The following SPOCK1 variants were observed in gnomAD, a reference collection of about 807,000 sequenced individuals.
SPOCK1 encodes the protein SPARC (osteonectin), cwcv and kazal like domains proteoglycan 1.
In SPOCK1, 23 loss-of-function variants were observed where a neutral mutation model predicts 55.3. That is an observed-to-expected ratio of 0.42 (90% CI 0.30 to 0.59). The LOEUF (loss-of-function observed/expected upper bound fraction) is 0.59, where lower values mean the gene tolerates loss of function less well. Among genes scored for constraint, SPOCK1 ranks in the 20% least tolerant of loss-of-function variants. SPOCK1 has a pLI of 0.22. For synonymous variants in SPOCK1, 226 were observed against 221.0 expected (o/e 1.02, Z -0.20); for missense variants, 499 against 552.5 (o/e 0.90, Z 0.97).
chr5:136,985,322 A>G, intron 8 of SPOCK1, 120 bp from the exon 9 acceptor site: 1 of 980,134 alleles, frequency 1.0e-6, no homozygotes, highest in Non-Finnish European at 1.6e-6. Context: ...ATTGTTCCAT[A>G]TGCTGTTACT....
chr5:137,079,738 G>A (rs886614657), intron 5 of SPOCK1, among the ~76,000 whole-genome samples: 4 of 151,968 alleles, frequency 2.6e-5, no homozygotes, highest in African/African-American at 4.8e-5. Flanking sequence ...CCCCGTCCCT[G>A]CTTCACTCTG....
intron 2 of SPOCK1, among the ~76,000 whole-genome samples, chr5:137,324,849 C>G (rs1333688559): frequency 6.6e-6 from 1 of 151,198 alleles, no homozygotes; most frequent in East Asian, 1.9e-4. Flanking sequence ...AATCTGAACA[C>G]AACCCATTTT....
At chr5:137,190,336 C>G (rs1755155954) in intron 3 of SPOCK1, among the ~76,000 whole-genome samples, 1 of 152,046 alleles carries the variant, frequency 6.6e-6, no homozygotes, top group South Asian at 2.1e-4. Flanking sequence ...CCACAGCCAC[C>G]CCAACATTTA....
At chr5:137,216,822 G>C (rs1755725325) in intron 3 of SPOCK1, among the ~76,000 whole-genome samples, 1 of 152,224 alleles carries the variant, frequency 6.6e-6, no homozygotes, top group Non-Finnish European at 1.5e-5. Context: ...TCGGGGGTGT[G>C]TTGTGAAACC....
intron 4 of SPOCK1, among the ~76,000 whole-genome samples, chr5:137,116,074 GCGAGCC>G (rs1182321193): frequency 6.6e-6 from 1 of 152,102 alleles, no homozygotes; most frequent in East Asian, 1.9e-4. Context: ...TCATTGGCCA[GCGAGCC>G]CTAAATCCAC....
At chr5:137,272,315 G>A (rs761006031) in intron 2 of SPOCK1, among the ~76,000 whole-genome samples, 12 of 152,144 alleles carry the variant, frequency 7.9e-5, no homozygotes, top group Non-Finnish European at 1.3e-4. Context: ...AAATGTCCCC[G>A]AAATGATAAT....
intron 3 of SPOCK1, among the ~76,000 whole-genome samples, chr5:137,156,461 T>A (rs567324001): frequency 6.6e-6 from 1 of 152,258 alleles, no homozygotes; most frequent in South Asian, 2.1e-4. Flanking sequence ...GGGAAATTAA[T>A]AGGAGAATAG....
chr5:137,095,210 A>G (rs1289560426), intron 5 of SPOCK1, among the ~76,000 whole-genome samples: 1 of 152,338 alleles, frequency 6.6e-6, no homozygotes, highest in East Asian at 1.9e-4. Context: ...AAATATAATA[A>G]TAATTTGTAA....
intron 4 of SPOCK1, among the ~76,000 whole-genome samples, chr5:137,135,311 T>C (rs1184063600): frequency 6.6e-6 from 1 of 152,122 alleles, no homozygotes; most frequent in Non-Finnish European, 1.5e-5. Flanking sequence ...CTCCACCCTC[T>C]GCCCCACGAT....
intron 6 of SPOCK1, among the ~76,000 whole-genome samples, chr5:137,006,529 A>AT (rs758386257): frequency 7.0e-4 from 106 of 152,142 alleles, no homozygotes; most frequent in Non-Finnish European, 1.4e-3. Flanking sequence ...AATGCTTGTG[A>AT]TTTTTGCACA....
chr5:137,204,056 C>G (rs953627460), intron 3 of SPOCK1, among the ~76,000 whole-genome samples: 1 of 152,182 alleles, frequency 6.6e-6, no homozygotes, highest in African/African-American at 2.4e-5. Flanking sequence ...GTCCTGTACT[C>G]TGCATTTGCT....
At chr5:137,023,113 CT>C (rs1484266602) in intron 6 of SPOCK1, among the ~76,000 whole-genome samples, 21 of 152,242 alleles carry the variant, frequency 1.4e-4, no homozygotes, top group African/African-American at 4.3e-4. Context: ...CCTGGGACAA[CT>C]TGTATGCTTT....
intron 2 of SPOCK1, among the ~76,000 whole-genome samples, chr5:137,429,720 T>C (rs1752704881): frequency 6.6e-6 from 1 of 152,214 alleles, no homozygotes; most frequent in Non-Finnish European, 1.5e-5. Context: ...TAATCCACAG[T>C]TCAATCCTTA....
intron 2 of SPOCK1, among the ~76,000 whole-genome samples, chr5:137,268,135 G>A (rs77312516): frequency 0.033 from 5,046 of 152,250 alleles, 102 homozygotes; most frequent in Admixed American, 0.041. Flanking sequence ...GATCTCCTGT[G>A]AATTTTATCA....
intron 2 of SPOCK1, among the ~76,000 whole-genome samples, chr5:137,422,874 T>A (rs958568165): frequency 5.9e-5 from 9 of 152,170 alleles, no homozygotes; most frequent in African/African-American, 2.2e-4. Flanking sequence ...ATTTTCAGAG[T>A]TTCCAGTTTT....
intron 5 of SPOCK1, among the ~76,000 whole-genome samples, chr5:137,100,766 G>T (rs181161428): frequency 6.6e-6 from 1 of 152,100 alleles, no homozygotes; most frequent in African/African-American, 2.4e-5. Context: ...CACCTTCCTG[G>T]ACAGAATCTA....
intron 2 of SPOCK1, among the ~76,000 whole-genome samples, chr5:137,350,471 G>C (rs1371682466): frequency 1.3e-5 from 2 of 152,280 alleles, no homozygotes; most frequent in East Asian, 3.9e-4. Context: ...GCTTGGAGGA[G>C]GTTCATCTGG....
At chr5:137,103,469 T>C (rs1753309354) in intron 5 of SPOCK1, among the ~76,000 whole-genome samples, 1 of 152,114 alleles carries the variant, frequency 6.6e-6, no homozygotes, top group African/African-American at 2.4e-5. Flanking sequence ...TTTTCCTCTA[T>C]CCTACTGGCT....
rs147331268 is a variant in SPOCK1, at chr5:137,125,942, C to T, written c.348-13381G>A. Among the ~76,000 whole-genome samples the T allele has an allele frequency of 5.1e-3, 771 of 152,270 alleles. 7 individuals carry two copies. Among genetic ancestry groups the T allele is most frequent in the African/African-American group, 0.017 (708 of 41,540 alleles). On this transcript the variant is annotated intron_variant, in intron 4 of 10. Coordinates refer to ENST00000394945, the MANE Select transcript of SPOCK1 (RefSeq NM_004598.4). The stretch of plus-strand genomic sequence containing the variant: ...AGAGAGCTATAGAGAAAGCTTTGAT[C>T]GCCTTAGAGAATACCTAAGTAATCC...
Sources: allele counts gnomAD v4.1 joint callset (sites outside exome capture counted in the v4.1 genomes callset), GRCh38; gene constraint gnomAD v4.1.1; transcripts MANE v1.5; gene names NCBI Gene and HGNC (gene_info 2026-07-23, HGNC 2026-07-21).